The following CYB5R4 variants were observed in gnomAD, a reference collection of about 807,000 sequenced individuals.
CYB5R4 encodes the protein cytochrome b5 reductase 4.
A neutral mutation model predicts 70.2 loss-of-function variants in CYB5R4; 55 were observed. The observed-to-expected ratio is 0.78, with a 90% CI of 0.63 to 0.98. The LOEUF is 0.98. Among genes scored for constraint, CYB5R4 ranks in the 50% least tolerant of loss-of-function variants. The pLI is 0.00. For missense variants in CYB5R4, 562 were observed against 612.6 expected (o/e 0.92, Z 0.87); for synonymous variants, 197 against 199.5 (o/e 0.99, Z 0.11).
intron 1 of CYB5R4, among the ~76,000 whole-genome samples, chr6:83,863,682 A>G (rs1410138691): frequency 6.6e-6 from 1 of 152,182 alleles, no homozygotes; most frequent in Non-Finnish European, 1.5e-5. Flanking sequence ...CAAGGATTCA[A>G]CCAACTTTAG....
chr6:83,911,083 A>G (rs1041426488), intron 4 of CYB5R4, among the ~76,000 whole-genome samples: 4 of 152,194 alleles, frequency 2.6e-5, no homozygotes, highest in African/African-American at 9.6e-5. Flanking sequence ...AGATTTGAGA[A>G]ATAAGTATGA....
intron 2 of CYB5R4, among the ~76,000 whole-genome samples, chr6:83,879,073 A>T (rs543500420): frequency 1.2e-4 from 18 of 152,178 alleles, no homozygotes; most frequent in Non-Finnish European, 1.6e-4. Flanking sequence ...TTCCTGTTTC[A>T]GCCTCAGTCT....
At chr6:83,958,032 A>G (rs2099472694) in intron 15 of CYB5R4, among the ~76,000 whole-genome samples, 1 of 152,188 alleles carries the variant, frequency 6.6e-6, no homozygotes, top group African/African-American at 2.4e-5. Context: ...GAGTGCTGCA[A>G]AGTTAATCTC....
intron 2 of CYB5R4, among the ~76,000 whole-genome samples, chr6:83,882,869 G>A (rs749330819): frequency 6.6e-6 from 1 of 152,078 alleles, no homozygotes; most frequent in South Asian, 2.1e-4. Context: ...AGCTACTCGG[G>A]AGGCTGAGGT....
intron 2 of CYB5R4, among the ~76,000 whole-genome samples, chr6:83,873,180 T>G (rs1276121603): frequency 6.6e-6 from 1 of 151,952 alleles, no homozygotes; most frequent in African/African-American, 2.4e-5. Flanking sequence ...CTGTTACTTA[T>G]AACTCTTCTC....
At chr6:83,885,685 C>T (rs1381054254) in intron 2 of CYB5R4, among the ~76,000 whole-genome samples, 2 of 151,986 alleles carry the variant, frequency 1.3e-5, no homozygotes, top group African/African-American at 4.8e-5. Flanking sequence ...GTTCTGAATT[C>T]GGTCTTCTGA....
chr6:83,927,132 T>C (rs1282057244), intron 10 of CYB5R4, among the ~76,000 whole-genome samples: 1 of 152,226 alleles, frequency 6.6e-6, no homozygotes, highest in Non-Finnish European at 1.5e-5. Flanking sequence ...ACCCTCTTTG[T>C]TGTTATTTTA....
At chr6:83,951,797 C>T (rs983546214) in intron 14 of CYB5R4, among the ~76,000 whole-genome samples, 1 of 151,990 alleles carries the variant, frequency 6.6e-6, no homozygotes, top group African/African-American at 2.4e-5. Context: ...GAGTATATAC[C>T]CAGTAATGGG....
chr6:83,905,431 G>A (rs2099463621), intron 3 of CYB5R4, among the ~76,000 whole-genome samples: 2 of 152,114 alleles, frequency 1.3e-5, no homozygotes, highest in Non-Finnish European at 2.9e-5. Flanking sequence ...GGACACTTCG[G>A]CTTTGATCCT....
At chr6:83,876,328 A>G (rs1415243967) in intron 2 of CYB5R4, among the ~76,000 whole-genome samples, 1 of 152,106 alleles carries the variant, frequency 6.6e-6, no homozygotes, top group African/African-American at 2.4e-5. Flanking sequence ...ATACTTTTTA[A>G]TGAAGTATTT....
At chr6:83,892,459 G>A (rs1588566374) in intron 2 of CYB5R4, among the ~76,000 whole-genome samples, 1 of 152,080 alleles carries the variant, frequency 6.6e-6, no homozygotes, top group Admixed American at 6.6e-5. Context: ...TTGCACTTTC[G>A]TGATGTCTTT....
intron 15 of CYB5R4, among the ~76,000 whole-genome samples, chr6:83,956,194 C>T (rs1412762162): frequency 1.3e-5 from 2 of 152,056 alleles, no homozygotes; most frequent in East Asian, 3.9e-4. Flanking sequence ...TATTCTGAGC[C>T]AAATATAGTG....
chr6:83,924,349 CTAA>C, intron 9 of CYB5R4, 118 bp from the exon 10 acceptor site: 1 of 934,302 alleles, frequency 1.1e-6, no homozygotes, highest in East Asian at 2.7e-5. Context: ...ATTTATCCCA[CTAA>C]TAATCAGTAC....
At chr6:83,953,913 C>T (rs9444116) in intron 14 of CYB5R4, among the ~76,000 whole-genome samples, 6,400 of 152,210 alleles carry the variant, frequency 0.042, 459 homozygotes, top group African/African-American at 0.15. Flanking sequence ...CTTAGATTGA[C>T]GTTTGAGATC....
intron 3 of CYB5R4, 86 bp downstream of exon 3, chr6:83,893,708 A>C (rs548230810): frequency 1.3e-6 from 1 of 751,604 alleles, no homozygotes; most frequent in African/African-American, 1.8e-5. Flanking sequence ...GAAAGGAAAT[A>C]GTTGCATAAA....
intron 10 of CYB5R4, chr6:83,929,620 G>A (rs1227878665): frequency 6.6e-6 from 1 of 151,764 alleles, no homozygotes; most frequent in East Asian, 1.9e-4. Context: ...AGCTCTGGGG[G>A]GTGTGTGGGA....
In CYB5R4 at chr6:83,940,112, G is replaced by A; in HGVS notation, c.1165G>A (p.Glu389Lys). Residue 389 changes from glutamate (E) to lysine (K), a missense_variant, in exon 13 of 16, where the codon GAA becomes AAA. By Grantham distance (56) the Glu-to-Lys change is moderately conservative. Coordinates refer to ENST00000369681, the MANE Select transcript of CYB5R4 (RefSeq NM_016230.4). The part of the protein sequence containing the change: ...EGNFKISKFQ[E>K]LEDLFLLAAG... ...CAATTTTAAAATATCCAAGTTCCAA[G>A]AATTAGAAGATCTCTTTTTGTTGGC... is the stretch of plus-strand genomic sequence containing the variant. 5.0e-6 allele frequency: 8 copies of A among 1,611,508 alleles called. No homozygotes were observed. Among genetic ancestry groups the A allele is most frequent in the Non-Finnish European group, 6.8e-6 (8 of 1,178,676 alleles).
At chr6:83,874,710 C>T (rs996864170) in intron 2 of CYB5R4, among the ~76,000 whole-genome samples, 3 of 152,202 alleles carry the variant, frequency 2.0e-5, no homozygotes, top group Non-Finnish European at 4.4e-5. Flanking sequence ...CCTCCCTGAT[C>T]GCTTCTTCCC....
intron 7 of CYB5R4, 96 bp from the exon 8 acceptor site, chr6:83,920,986 C>T (rs192281645): frequency 3.9e-5 from 34 of 864,612 alleles, no homozygotes; most frequent in African/African-American, 2.0e-4. Flanking sequence ...AAAGAAGCAC[C>T]GTATGAAGTA....
Sources: allele counts gnomAD v4.1 joint callset (sites outside exome capture counted in the v4.1 genomes callset), GRCh38; gene constraint gnomAD v4.1.1; transcripts MANE v1.5; gene names NCBI Gene and HGNC (gene_info 2026-07-23, HGNC 2026-07-21).